GLRA1: variants seen among roughly 807,000 people sequenced by gnomAD.
The protein encoded by GLRA1 is glycine receptor alpha 1.
Under a neutral mutation model 48.3 loss-of-function variants are expected in GLRA1, and 37 were observed. That is an observed-to-expected ratio of 0.77 (90% confidence interval 0.59 to 1.01). The LOEUF is 1.01. GLRA1 is among the 50% of genes least tolerant of loss of function. The pLI is 0.00. For missense variants in GLRA1, 427 were observed against 571.0 expected (o/e 0.75, Z 2.57); for synonymous variants, 196 against 210.7 (o/e 0.93, Z 0.60).
intron 1 of GLRA1, among the ~76,000 whole-genome samples, chr5:151,899,248 T>C (rs1301545759): frequency 6.6e-6 from 1 of 152,198 alleles, no homozygotes; most frequent in Non-Finnish European, 1.5e-5. Flanking sequence ...GTGGCAAAAT[T>C]GGACTGCTAT....
At chr5:151,890,431 C>T (rs997488483) in intron 2 of GLRA1, among the ~76,000 whole-genome samples, 3 of 152,178 alleles carry the variant, frequency 2.0e-5, no homozygotes, top group South Asian at 2.1e-4. Flanking sequence ...CACCAAGGGG[C>T]GTGGTGGACT....
At chr5:151,900,872 G>C (rs1450140370) in intron 1 of GLRA1, among the ~76,000 whole-genome samples, 2 of 152,098 alleles carry the variant, frequency 1.3e-5, no homozygotes, top group Non-Finnish European at 2.9e-5. Flanking sequence ...TAATAAACAT[G>C]GTTTTCATGA....
At chr5:151,878,858 G>T (rs1753691428) in intron 3 of GLRA1, among the ~76,000 whole-genome samples, 1 of 152,152 alleles carries the variant, frequency 6.6e-6, no homozygotes, top group East Asian at 1.9e-4. Flanking sequence ...GCAGGGGTGG[G>T]GCCCTCATGG....
intron 1 of GLRA1, among the ~76,000 whole-genome samples, chr5:151,904,455 G>T (rs1754430279): frequency 6.6e-6 from 1 of 152,170 alleles, no homozygotes; most frequent in Non-Finnish European, 1.5e-5. Context: ...GTATGATCTT[G>T]GGCAAGTCCT....
chr5:151,869,384 A>C (rs958491149), intron 3 of GLRA1, among the ~76,000 whole-genome samples: 1 of 151,292 alleles, frequency 6.6e-6, no homozygotes, highest in Non-Finnish European at 1.5e-5. Context: ...GATTACAGGC[A>C]TGAGCCACCA....
intron 1 of GLRA1, among the ~76,000 whole-genome samples, chr5:151,923,336 A>G (rs1754925179): frequency 6.6e-6 from 1 of 152,238 alleles, no homozygotes; most frequent in Non-Finnish European, 1.5e-5. Context: ...TAATAAAACA[A>G]AAATTATTTG....
Position 151,822,674 on chromosome 5 carries a change from C to T in GLRA1, c.1349G>A (p.Ter450=). ...GCCTCCCCCAACCTTTCAGACCCTTCACTGGTTGTGGACGTCCTCTCTACG... is the reference window on the plus strand; with the variant it reads ...GCCTCCCCCAACCTTTCAGACCCTTTACTGGTTGTGGACGTCCTCTCTACG... The part of the protein sequence containing the change: ...IVRREDVHNQ[*] The change falls in exon 9 of 9, where the codon TGA becomes TAA. Residue 450 remains the stop codon, a stop_retained_variant. Coordinates refer to ENST00000274576, the MANE Select transcript of GLRA1 (RefSeq NM_000171.4). 1 of 1,608,418 alleles carries T rather than the reference C, an allele frequency of 6.2e-7. No homozygotes were observed. Among genetic ancestry groups the T allele is most frequent in the Non-Finnish European group, 8.5e-7 (1 of 1,174,884 alleles).
intron 7 of GLRA1, among the ~76,000 whole-genome samples, chr5:151,837,194 A>C (rs2113307657): frequency 6.6e-6 from 1 of 152,372 alleles, no homozygotes; most frequent in South Asian, 2.1e-4. Context: ...TTATGCAGTC[A>C]ACAAACATAT....
intron 7 of GLRA1, among the ~76,000 whole-genome samples, chr5:151,836,280 C>G (rs1458356644): frequency 1.3e-5 from 2 of 152,162 alleles, no homozygotes; most frequent in Non-Finnish European, 2.9e-5. Context: ...AGGAGAACTA[C>G]AAACCACTGC....
At chr5:151,823,912 TGTTATC>T (rs1763208592) in intron 8 of GLRA1, among the ~76,000 whole-genome samples, 2 of 152,084 alleles carry the variant, frequency 1.3e-5, no homozygotes, top group South Asian at 4.2e-4. Flanking sequence ...TGTCCAGCTT[TGTTATC>T]GTTGCATGTG....
At chr5:151,847,656 G>A (rs1209790800) in intron 7 of GLRA1, among the ~76,000 whole-genome samples, 1 of 152,062 alleles carries the variant, frequency 6.6e-6, no homozygotes, top group Non-Finnish European at 1.5e-5. Flanking sequence ...GAGGTGGAGG[G>A]TGGAGGTTGC....
At chr5:151,885,099 C>T (rs1479531299) in intron 3 of GLRA1, among the ~76,000 whole-genome samples, 1 of 152,174 alleles carries the variant, frequency 6.6e-6, no homozygotes, top group Non-Finnish European at 1.5e-5. Flanking sequence ...TCTTCGTGAC[C>T]ATATCAAGAC....
At chr5:151,880,221 G>A (rs1278408302) in intron 3 of GLRA1, among the ~76,000 whole-genome samples, 1 of 152,214 alleles carries the variant, frequency 6.6e-6, no homozygotes, top group Non-Finnish European at 1.5e-5. Context: ...CTAGTTAGTA[G>A]TAAATAATCT....
chr5:151,848,816 T>A, intron 7 of GLRA1: 1 of 459,094 alleles, frequency 2.2e-6, no homozygotes, highest in Admixed American at 2.4e-5. Flanking sequence ...TCTCCTCTCC[T>A]CTCCTCACCT....
chr5:151,832,728 G>T (rs1763455791), intron 7 of GLRA1, among the ~76,000 whole-genome samples: 1 of 152,188 alleles, frequency 6.6e-6, no homozygotes, highest in South Asian at 2.1e-4. Context: ...ACACTCTTCG[G>T]GGTATTATCC....
In GLRA1 at chr5:151,924,586, G is replaced by C. The variant is rs1456951317; in HGVS notation, c.-37C>G. ...TTGTGCTTTGTAGTCCACGAGTTAT[G>C]GGGGCAAAAATGTTTCAAATTGGCA... On this transcript the variant is annotated 5_prime_UTR_variant, in exon 1 of 9. Coordinates refer to ENST00000274576, the MANE Select transcript of GLRA1 (RefSeq NM_000171.4). 7.5e-7 allele frequency: 1 copy of C among 1,335,454 alleles called. No individual in the cohort carries two copies. 82.7% of individuals were successfully genotyped at this position (1,335,454 alleles called of 1,614,324 possible).
intron 3 of GLRA1, among the ~76,000 whole-genome samples, chr5:151,879,231 G>A (rs1160389946): frequency 6.6e-6 from 1 of 152,116 alleles, no homozygotes; most frequent in African/African-American, 2.4e-5. Context: ...CTCGCATGGG[G>A]CCTGTAGCCC....
chr5:151,832,712 T>A (rs1016723617), intron 7 of GLRA1, among the ~76,000 whole-genome samples: 1 of 152,162 alleles, frequency 6.6e-6, no homozygotes, highest in African/African-American at 2.4e-5. Context: ...TGGAACCAAG[T>A]TGAAAACACT....
At chr5:151,859,681 G>T in intron 4 of GLRA1, 104 bp downstream of exon 4, 1 of 819,936 alleles carries the variant, frequency 1.2e-6, no homozygotes, top group South Asian at 1.4e-5. Context: ...GGTTGCCAGG[G>T]CCTGTTCACC....
Sources: allele counts gnomAD v4.1 joint callset (sites outside exome capture counted in the v4.1 genomes callset), GRCh38; gene constraint gnomAD v4.1.1; transcripts MANE v1.5; gene names NCBI Gene and HGNC (gene_info 2026-07-23, HGNC 2026-07-21).